The following FAF1 variants were observed in gnomAD, a reference collection of about 807,000 sequenced individuals.
FAF1 encodes FAS-associated factor 1.
In FAF1, 25 loss-of-function variants were observed where a neutral mutation model predicts 92.5. The ratio of observed to expected loss-of-function variants is 0.27; its 90% CI spans 0.20 to 0.38. The LOEUF is 0.38. Among genes scored for constraint, FAF1 ranks in the 10% least tolerant of loss-of-function variants. The pLI is 1.00. For synonymous variants in FAF1, 234 were observed against 273.2 expected (o/e 0.86, Z 1.42); for missense variants, 636 against 793.3 (o/e 0.80, Z 2.38).
chr1:50,469,191 T>A (rs2148995034), intron 18 of FAF1, among the ~76,000 whole-genome samples: 1 of 152,272 alleles, frequency 6.6e-6, no homozygotes. Flanking sequence ...CCAGGACCAG[T>A]TTTCTTTACA....
chr1:50,913,272 G>A (rs182780744), intron 1 of FAF1, among the ~76,000 whole-genome samples: 2,256 of 152,268 alleles, frequency 0.015, 32 homozygotes, highest in Non-Finnish European at 0.017. Context: ...TGAATGGATC[G>A]ACTTTATACA....
chr1:50,628,444 C>T (rs932035364), intron 8 of FAF1, among the ~76,000 whole-genome samples: 2 of 152,138 alleles, frequency 1.3e-5, no homozygotes, highest in African/African-American at 4.8e-5. Flanking sequence ...CCTGTCTCTG[C>T]GGCCTTGGAC....
intron 1 of FAF1, among the ~76,000 whole-genome samples, chr1:50,925,995 C>T (rs1057503592): frequency 3.3e-5 from 5 of 152,104 alleles, no homozygotes; most frequent in African/African-American, 1.2e-4. Flanking sequence ...GCAGGAGGGT[C>T]GCTTAAGGCC....
chr1:50,498,805 G>A (rs1369583651), intron 15 of FAF1, among the ~76,000 whole-genome samples: 6 of 150,806 alleles, frequency 4.0e-5, no homozygotes, highest in South Asian at 2.1e-4. Context: ...AACCGAGATC[G>A]TGCCACTGCA....
rs56001578 is a variant in FAF1 at position 50,648,487 on chromosome 1, C to T, written c.744+6955G>A. Among the ~76,000 whole-genome samples the T allele has an allele frequency of 7.7e-3, 1,170 of 152,124 alleles. 12 individuals carry two copies. Among genetic ancestry groups the T allele is most frequent in the African/African-American group, 0.027 (1,130 of 41,480 alleles). ...ATATTTATCAAGTATTTACTCAGAG[C>T]CTGTATGGGAAAACAAACCTGGAAG... is the stretch of plus-strand genomic sequence containing the variant. On this transcript the variant is annotated intron_variant, in intron 8 of 18. Coordinates refer to ENST00000396153, the MANE Select transcript of FAF1 (RefSeq NM_007051.3).
At chr1:50,578,007 A>G (rs1190074794) in intron 12 of FAF1, among the ~76,000 whole-genome samples, 1 of 152,262 alleles carries the variant, frequency 6.6e-6, no homozygotes, top group Non-Finnish European at 1.5e-5. Flanking sequence ...TGAATGTGGC[A>G]TCGTGAGAAA....
At chr1:50,780,110 T>C (rs901134269) in intron 4 of FAF1, among the ~76,000 whole-genome samples, 2 of 151,928 alleles carry the variant, frequency 1.3e-5, no homozygotes, top group African/African-American at 4.8e-5. Flanking sequence ...CTATCAGTAA[T>C]TGCTTTAAAT....
At chr1:50,503,988 T>C (rs1211727721) in intron 15 of FAF1, among the ~76,000 whole-genome samples, 2 of 152,196 alleles carry the variant, frequency 1.3e-5, no homozygotes, top group Non-Finnish European at 2.9e-5. Context: ...TGTATACATA[T>C]GTCAAAACTT....
intron 1 of FAF1, among the ~76,000 whole-genome samples, chr1:50,916,432 A>G (rs1239136821): frequency 6.6e-6 from 1 of 152,108 alleles, no homozygotes; most frequent in Non-Finnish European, 1.5e-5. Flanking sequence ...TCACATACAA[A>G]CACCTCGATT....
At chr1:50,682,628 GGTTACAAAA>G (rs1656473057) in intron 7 of FAF1, among the ~76,000 whole-genome samples, 1 of 152,040 alleles carries the variant, frequency 6.6e-6, no homozygotes, top group Admixed American at 6.6e-5. Flanking sequence ...TTACCTCCTT[GGTTACAAAA>G]GTAAATCTGC....
chr1:50,735,772 A>G (rs1016786270), intron 6 of FAF1, among the ~76,000 whole-genome samples: 3 of 152,078 alleles, frequency 2.0e-5, no homozygotes, highest in African/African-American at 7.2e-5. Context: ...CTTAAAGTAC[A>G]GTGGCATGAT....
chr1:50,718,746 C>T (rs1008150171), intron 6 of FAF1, among the ~76,000 whole-genome samples: 3 of 151,920 alleles, frequency 2.0e-5, no homozygotes, highest in African/African-American at 7.3e-5. Flanking sequence ...AATACTTTAC[C>T]ATTTATATCT....
In FAF1 at chr1:50,936,318, T is replaced by C. The variant is rs572519919; in HGVS notation, c.45+23449A>G. 1.5e-3 allele frequency among the ~76,000 whole-genome samples: 229 copies of C among 152,272 alleles called. 1 individual carries two copies. The highest frequency in any genetic ancestry group is 5.3e-3 in the African/African-American group (220 of 41,564). On this transcript the variant is annotated intron_variant, in intron 1 of 18. Coordinates refer to ENST00000396153, the MANE Select transcript of FAF1 (RefSeq NM_007051.3). ...GATATATAGGAATGAGAAATACATA[T>C]GGGTATTGCAGATCTATTTTTTTAA...
In FAF1 at chr1:50,907,787, C is replaced by T. The variant is rs555396841; in HGVS notation, c.46-49790G>A. On this transcript the variant is annotated intron_variant, in intron 1 of 18. Coordinates refer to ENST00000396153, the MANE Select transcript of FAF1 (RefSeq NM_007051.3). ...TTCTCTCTTTTCTTCTTTATTAGTC[C>T]TGCTATCAATTTTGCTGATCTTTTC... Among the ~76,000 whole-genome samples the T allele has an allele frequency of 1.9e-3, 289 of 148,904 alleles. 1 individual carries two copies. The highest frequency in any genetic ancestry group is 3.5e-3 in the Non-Finnish European group (229 of 66,086).
intron 18 of FAF1, among the ~76,000 whole-genome samples, chr1:50,472,079 T>C (rs2148997020): frequency 6.6e-6 from 1 of 152,064 alleles, no homozygotes; most frequent in South Asian, 2.1e-4. Context: ...TCAGCTTTTC[T>C]GGGAAGGGCC....
intron 12 of FAF1, among the ~76,000 whole-genome samples, chr1:50,579,792 A>G (rs997010446): frequency 6.6e-6 from 1 of 152,196 alleles, no homozygotes; most frequent in Non-Finnish European, 1.5e-5. Context: ...TGCTTGCTTA[A>G]AAGGTATTTA....
At chr1:50,647,974 C>T (rs1430958530) in intron 8 of FAF1, among the ~76,000 whole-genome samples, 1 of 152,132 alleles carries the variant, frequency 6.6e-6, no homozygotes, top group Non-Finnish European at 1.5e-5. Context: ...AAGAAAAGGT[C>T]TTGGCTGGGC....
intron 6 of FAF1, among the ~76,000 whole-genome samples, chr1:50,713,657 G>A (rs1658045128): frequency 6.6e-6 from 1 of 152,002 alleles, no homozygotes; most frequent in Admixed American, 6.6e-5. Flanking sequence ...ACAAAGACAA[G>A]GTTTTGCTAT....
At chr1:50,516,336 T>C (rs1210599329) in intron 15 of FAF1, among the ~76,000 whole-genome samples, 1 of 152,158 alleles carries the variant, frequency 6.6e-6, no homozygotes, top group Non-Finnish European at 1.5e-5. Flanking sequence ...TCGTGGACTA[T>C]ATCCCTCCGT....
Sources: gnomAD v4.1 joint callset for allele counts (sites outside exome capture counted in the v4.1 genomes callset) on GRCh38, gnomAD v4.1.1 for gene constraint, MANE v1.5 for transcripts, NCBI Gene and HGNC (gene_info 2026-07-23, HGNC 2026-07-21) for gene names.